Variants in NMT2 observed in about 807,000 individuals in gnomAD.
NMT2 encodes glycylpeptide N-tetradecanoyltransferase 2.
A neutral mutation model predicts 65.4 loss-of-function variants in NMT2; 35 were observed. That is an observed-to-expected ratio of 0.54 (90% CI 0.41 to 0.71). The LOEUF is 0.71. Among genes scored for constraint, NMT2 ranks in the 30% least tolerant of loss-of-function variants. The probability of loss-of-function intolerance (pLI) is 0.00; values close to 1 mark genes in which losing one functional copy is unlikely to be tolerated. For synonymous variants in NMT2, 226 were observed against 231.8 expected (o/e 0.98, Z 0.23); for missense variants, 489 against 611.3 (o/e 0.80, Z 2.11).
chr10:15,142,666 C>A (rs932935373), intron 1 of NMT2, among the ~76,000 whole-genome samples: 48 of 152,254 alleles, frequency 3.2e-4, no homozygotes, highest in African/African-American at 9.4e-4. Context: ...TCAAATGGTA[C>A]CCTAGTGGTT....
chr10:15,135,779 TG>T (rs1206178419), intron 2 of NMT2, among the ~76,000 whole-genome samples: 1 of 149,680 alleles, frequency 6.7e-6, no homozygotes. Context: ...GAGCCTTGGG[TG>T]GGGGGCACTG....
At chr10:15,146,735 A>C (rs1216969947) in intron 1 of NMT2, among the ~76,000 whole-genome samples, 1 of 152,178 alleles carries the variant, frequency 6.6e-6, no homozygotes, top group Non-Finnish European at 1.5e-5. Context: ...TGTGTTGTTC[A>C]ATCCCATGTT....
intron 1 of NMT2, chr10:15,155,280 C>T (rs759330070): frequency 7.1e-7 from 1 of 1,407,002 alleles, no homozygotes; most frequent in Admixed American, 1.7e-5. Flanking sequence ...CAAGGCCTCG[C>T]TGTTGATGGC....
intron 1 of NMT2, among the ~76,000 whole-genome samples, chr10:15,165,163 CAAAA>C (rs34775170): frequency 7.9e-6 from 1 of 126,062 alleles, no homozygotes. Context: ...AACTCCATCT[CAAAA>C]AAAAAAAAAA....
Position 15,130,893 on chromosome 10 carries a change from G to A in NMT2, c.720-581C>T, listed in dbSNP as rs530835332. Among the ~76,000 whole-genome samples, 295 of 147,606 alleles carry A rather than the reference G, an allele frequency of 2.0e-3. 1 individual carries two copies. The highest frequency in any genetic ancestry group is 3.5e-3 in the Middle Eastern group (1 of 288). On this transcript the variant is annotated intron_variant, in intron 6 of 11. Transcript: ENST00000378165. Reference sequence around the variant, plus strand: ...TAACCTCTTACTCCTGGGTTCAAACGATTCTCCTGCGTCAGCCTCCTAAGT... The same window carrying A: ...TAACCTCTTACTCCTGGGTTCAAACAATTCTCCTGCGTCAGCCTCCTAAGT...
At chr10:15,140,362 G>A (rs978288154) in intron 2 of NMT2, among the ~76,000 whole-genome samples, 1 of 152,090 alleles carries the variant, frequency 6.6e-6, no homozygotes, top group African/African-American at 2.4e-5. Flanking sequence ...GGGCTCAAGG[G>A]ATCCGCCTGC....
At chr10:15,157,751 A>C (rs1833049273) in intron 1 of NMT2, among the ~76,000 whole-genome samples, 1 of 152,260 alleles carries the variant, frequency 6.6e-6, no homozygotes, top group Non-Finnish European at 1.5e-5. Flanking sequence ...ATTTTAAAAA[A>C]ATTAATTCAT....
At chr10:15,145,526 C>T (rs1394569999) in intron 1 of NMT2, among the ~76,000 whole-genome samples, 19 of 152,198 alleles carry the variant, frequency 1.2e-4, no homozygotes, top group Admixed American at 2.6e-4. Flanking sequence ...ATTACAGGCA[C>T]GTGCCACCAC....
chr10:15,107,516 G>C lies in NMT2; in HGVS notation c.*1679C>G. On this transcript the variant is annotated 3_prime_UTR_variant, in exon 12 of 12. Transcript: ENST00000378165. The stretch of plus-strand genomic sequence containing the variant: ...CACCCAGGCTGGAGTGCAGTGGCAC[G>C]ATCTTGGCTCACTGCAACTTCCGCC... 2 of 875,932 alleles carry C rather than the reference G, an allele frequency of 2.3e-6. No individual in the cohort carries two copies. Among genetic ancestry groups the C allele is most frequent in the Non-Finnish European group, 2.7e-6 (2 of 730,150 alleles). The allele number at this position is 875,932 out of a possible 1,614,324, so 54.3% of individuals were successfully genotyped here. A position where few individuals can be genotyped will look rare whatever the true frequency, so the allele number is the denominator to read the frequency against.
chr10:15,126,472 C>G (rs184252692), intron 8 of NMT2, among the ~76,000 whole-genome samples: 24 of 151,828 alleles, frequency 1.6e-4, no homozygotes, highest in African/African-American at 5.3e-4. Flanking sequence ...CTGGATGTCA[C>G]TTTCATGAAT....
At chr10:15,132,213 T>C (rs1846309432) in intron 6 of NMT2, among the ~76,000 whole-genome samples, 1 of 152,110 alleles carries the variant, frequency 6.6e-6, no homozygotes, top group Admixed American at 6.6e-5. Flanking sequence ...ATGTATGAGA[T>C]TGAGAGGCAG....
chr10:15,133,619 C>A (rs12764954), intron 3 of NMT2, among the ~76,000 whole-genome samples: 5 of 152,124 alleles, frequency 3.3e-5, no homozygotes, highest in Non-Finnish European at 7.3e-5. Flanking sequence ...CGGGGTCTCA[C>A]TCTGTCGCCA....
Position 15,155,549 on chromosome 10 carries a change from T to G in NMT2, c.110+12954A>C, listed in dbSNP as rs868488264. Reference sequence around the variant, plus strand: ...ATGCCGGGCTAGTTTTTTTTTTTTTTTTTTTTTTTTTTTTGTAGAGGCAGG... The same window carrying G: ...ATGCCGGGCTAGTTTTTTTTTTTTTGTTTTTTTTTTTTTTGTAGAGGCAGG... On this transcript the variant is annotated intron_variant, in intron 1 of 11. Coordinates refer to ENST00000378165, the MANE Select transcript of NMT2 (RefSeq NM_004808.3). Among the ~76,000 whole-genome samples the G allele has an allele frequency of 2.2e-5, 3 of 134,738 alleles. 1 individual carries two copies. Among genetic ancestry groups the G allele is most frequent in the Middle Eastern group, 7.1e-3 (2 of 280 alleles). The allele number at this position is 134,738 out of a possible 152,430, so 88.4% of individuals were successfully genotyped here. A position where few individuals can be genotyped will look rare whatever the true frequency, so the allele number is the denominator to read the frequency against.
intron 1 of NMT2, among the ~76,000 whole-genome samples, chr10:15,161,102 A>AAAAAAAAAAC (rs1833178945): frequency 6.7e-6 from 1 of 149,428 alleles, no homozygotes; most frequent in African/African-American, 2.5e-5. Flanking sequence ...AAAAAAAAAA[A>AAAAAAAAAAC]AAAAAAAACA....
Position 15,107,969 on chromosome 10 carries a change from T to G in NMT2, c.*1226A>C, listed in dbSNP as rs762015145. On this transcript the variant is annotated 3_prime_UTR_variant, in exon 12 of 12. Coordinates refer to ENST00000378165, the MANE Select transcript of NMT2 (RefSeq NM_004808.3). Reference sequence around the variant, plus strand: ...TTAGCATGACACATGACAGTTTTCATGATAAAATCAGCATAGAGGAGTATG... The same window carrying G: ...TTAGCATGACACATGACAGTTTTCAGGATAAAATCAGCATAGAGGAGTATG... 15 of 985,722 alleles carry G rather than the reference T, an allele frequency of 1.5e-5. No homozygotes were observed. The highest frequency in any genetic ancestry group is 1.8e-5 in the Non-Finnish European group (15 of 829,806). 61.1% of individuals were successfully genotyped at this position (985,722 alleles called of 1,614,324 possible).
chr10:15,133,108 C>T lies in NMT2; in HGVS notation c.547G>A (p.Val183Ile), dbSNP rs145365545. 6.5e-5 allele frequency: 105 copies of T among 1,614,074 alleles called. No homozygotes were observed. Among genetic ancestry groups the T allele is most frequent in the African/African-American group, 1.1e-4 (8 of 75,050 alleles). Residue 183 changes from valine to isoleucine, a missense_variant, in exon 5 of 12, where the codon GTA becomes ATA. Coordinates refer to ENST00000378165, the MANE Select transcript of NMT2 (RefSeq NM_004808.3). ...ELYTLLNENYVEDDDNMFRFD... is the reference protein window; with the variant it reads ...ELYTLLNENYIEDDDNMFRFD... ...CGGAACATATTGTCATCATCTTCTA[C>T]GTAATTCTCATTTAACAACGTGTAT... is the stretch of plus-strand genomic sequence containing the variant.
At chr10:15,155,364 C>A (rs776594291) in intron 1 of NMT2, 4 of 789,252 alleles carry the variant, frequency 5.1e-6, no homozygotes, top group East Asian at 2.6e-5. Context: ...GTCTGCAAAG[C>A]CTTTTTTGTT....
intron 2 of NMT2, among the ~76,000 whole-genome samples, chr10:15,139,549 G>A (rs539557085): frequency 2.0e-5 from 3 of 151,980 alleles, no homozygotes; most frequent in South Asian, 2.1e-4. Context: ...ATTTAGAAAC[G>A]GGAAGAGTGT....
chr10:15,159,935 C>T (rs1000122961), intron 1 of NMT2, among the ~76,000 whole-genome samples: 3 of 152,188 alleles, frequency 2.0e-5, no homozygotes, highest in African/African-American at 7.2e-5. Context: ...GGGAAAGATA[C>T]ACTCACTAAG....
Sources: allele counts gnomAD v4.1 joint callset (sites outside exome capture counted in the v4.1 genomes callset), GRCh38; gene constraint gnomAD v4.1.1; transcripts MANE v1.5; gene names NCBI Gene and HGNC (gene_info 2026-07-23, HGNC 2026-07-21).